Variants in FCSK observed in about 807,000 individuals in gnomAD.
The protein encoded by FCSK is fucose kinase.
FCSK carries 123 observed loss-of-function variants against 122.5 expected under a neutral mutation model. That is an observed-to-expected ratio of 1.00 (90% CI 0.87 to 1.17). The LOEUF is 1.17. Among genes scored for constraint, FCSK ranks in the 50% most tolerant of loss-of-function variants. The pLI, the probability that FCSK is intolerant of heterozygous loss-of-function variation, is 0.00. For synonymous variants in FCSK, 620 were observed against 625.5 expected (o/e 0.99, Z 0.13); for missense variants, 1,366 against 1,450.4 (o/e 0.94, Z 0.95).
At chr16:70,472,453 A>G in intron 13 of FCSK, 88 bp from the exon 14 acceptor site, 1 of 1,014,744 alleles carries the variant, frequency 9.9e-7, no homozygotes, top group South Asian at 1.5e-5. Flanking sequence ...TCATGTGAGC[A>G]CTTGAGCAGC....
At position 70,473,773 on chromosome 16, in the gene FCSK, G is replaced by C. The variant is rs140516568; in HGVS notation, c.1778-356G>C. On this transcript the variant is annotated intron_variant, in intron 15 of 23. Transcript: ENST00000288078. This position sits in a 1 kb window ranked among gnomAD's most constrained non-coding sequence, Gnocchi z 4.9. Reference sequence around the variant, plus strand: ...CCTCCTAGGCTGAACCTCATGGAAGGTCCCAGGGACCGTGGACATGAATGG... The same window carrying C: ...CCTCCTAGGCTGAACCTCATGGAAGCTCCCAGGGACCGTGGACATGAATGG... Among the ~76,000 whole-genome samples the C allele has an allele frequency of 6.6e-6, 1 of 152,190 alleles. No homozygotes were observed.
chr16:70,472,730 GT>G, intron 14 of FCSK, 125 bp downstream of exon 14: 1 of 877,136 alleles, frequency 1.1e-6, no homozygotes, highest in Non-Finnish European at 1.7e-6. Context: ...GGCCTGGGTG[GT>G]TTTGGGCAGC....
intron 7 of FCSK, 112 bp downstream of exon 7, chr16:70,467,583 T>C: frequency 2.3e-6 from 2 of 861,032 alleles, no homozygotes; most frequent in South Asian, 1.6e-5. Flanking sequence ...CGCATGTTCC[T>C]GAATCCAAGG....
At position 70,463,726 on chromosome 16, in the gene FCSK, C is replaced by A; in HGVS notation, c.186C>A (p.Asn62Lys). The change falls in exon 3 of 24, where the codon AAC becomes AAA. Residue 62 changes from asparagine to lysine, a missense_variant. Asn to Lys is a moderately conservative substitution (Grantham distance 94). Coordinates refer to ENST00000288078, the MANE Select transcript of FCSK (RefSeq NM_145059.3). The part of the protein sequence containing the change: ...KRVGSGGATL[N>K]ALLVAAEHLS... ...TGGGCAGCGGAGGAGCCACCCTCAA[C>A]GCCCTGCTGGTGGCTGCTGAACACC... The A allele has an allele frequency of 6.2e-7, 1 of 1,612,632 alleles. No homozygotes were observed. The highest frequency in any genetic ancestry group is 1.3e-5 in the African/African-American group (1 of 74,994).
chr16:70,478,202 C>A, intron 20 of FCSK, 70 bp from the exon 21 acceptor site: 1 of 1,524,378 alleles, frequency 6.6e-7, no homozygotes, highest in Non-Finnish European at 9.0e-7. Flanking sequence ...GGTGCAGGGC[C>A]GGGAGCCTAG....
chr16:70,457,369 C>T (rs572819413), intron 1 of FCSK, among the ~76,000 whole-genome samples: 8 of 152,238 alleles, frequency 5.3e-5, no homozygotes, highest in African/African-American at 1.9e-4. Context: ...ATTCTCCTGC[C>T]TCAGCCTCCT....
In FCSK at chr16:70,478,161, A is replaced by G. The variant is rs983719087; in HGVS notation, c.2642-111A>G. 1.1e-5 allele frequency: 11 copies of G among 1,024,948 alleles called. No homozygotes were observed. In the African/African-American group the frequency reaches 1.8e-4, roughly 17 times the overall value. 63.5% of individuals were successfully genotyped at this position (1,024,948 alleles called of 1,614,324 possible). A position where few individuals can be genotyped will look rare whatever the true frequency, so the allele number is the denominator to read the frequency against. On this transcript the variant is annotated intron_variant, in intron 20 of 23. Transcript: ENST00000288078. The stretch of plus-strand genomic sequence containing the variant: ...GCTCACTGTCCTGTGGAGTTGAGGG[A>G]AGCTATCTTTCCACACTGGTCCCAG...
In FCSK at chr16:70,465,116, A is replaced by C. The variant is rs767445409; in HGVS notation, c.235-10A>C. 6.2e-7 allele frequency: 1 copy of C among 1,613,070 alleles called. No homozygotes were observed. The highest frequency in any genetic ancestry group is 1.3e-5 in the African/African-American group (1 of 74,734). On this transcript the variant is annotated splice_polypyrimidine_tract_variant and intron_variant, in intron 3 of 23. Transcript: ENST00000288078. ...AGGCCTCTGTTCACAGGGCTTTCCC[A>C]CTCCTGCAGGTGGTCACATCCGATG...
At position 70,463,280 on chromosome 16, in the gene FCSK, A is replaced by G. The variant is rs113870721; in HGVS notation, c.82+8A>G. 20 of 1,607,854 alleles carry G rather than the reference A, an allele frequency of 1.2e-5. No individual in the cohort carries two copies. In the African/African-American group the frequency reaches 1.8e-4, roughly 14 times the overall value. ...TCCAGGTCTTTCAGAGAGGTAGGGGACTCCCCTTCCCACCTTGCCCCTAAT... is the reference window on the plus strand; with the variant it reads ...TCCAGGTCTTTCAGAGAGGTAGGGGGCTCCCCTTCCCACCTTGCCCCTAAT... On this transcript the variant is annotated splice_region_variant and intron_variant, in intron 2 of 23. Transcript: ENST00000288078.
chr16:70,471,715 C>T (rs1446982798), intron 13 of FCSK, among the ~76,000 whole-genome samples: 1 of 152,138 alleles, frequency 6.6e-6, no homozygotes, highest in Admixed American at 6.5e-5. Flanking sequence ...TCTCCTGCCT[C>T]AGCCTCACGA....
Position 70,469,180 on chromosome 16 carries a change from G to A in FCSK, c.812G>A (p.Cys271Tyr). The A allele has an allele frequency of 6.2e-7, 1 of 1,614,152 alleles. No homozygotes were observed. The highest frequency in any genetic ancestry group is 8.5e-7 in the Non-Finnish European group (1 of 1,180,022). ...TCTCTGTTTTTTGACATTCTCCACT[G>A]CATGGCTGAGAACGTGACCAGGGAG... ...QLSLFFDILH[C>Y]MAENVTREDF... is the part of the protein sequence containing the mutation. Residue 271 changes from cysteine to tyrosine, a missense_variant, in exon 10 of 24, where the codon TGC (cysteine) becomes TAC (tyrosine). Transcript: ENST00000288078.
At chr16:70,471,870 A>G (rs1218300858) in intron 13 of FCSK, among the ~76,000 whole-genome samples, 3 of 150,148 alleles carry the variant, frequency 2.0e-5, no homozygotes, top group African/African-American at 7.4e-5. Context: ...CAGTGGCGCA[A>G]TCTTGGCTCA....
chr16:70,460,784 A>G (rs557565329), intron 1 of FCSK, among the ~76,000 whole-genome samples: 76 of 152,342 alleles, frequency 5.0e-4, no homozygotes, highest in Non-Finnish European at 8.8e-4. Context: ...AGCTGTGCTC[A>G]GTCACTGGTT....
Position 70,472,595 on chromosome 16 carries a change from A to C in FCSK, c.1396A>C (p.Thr466Pro). Reference protein sequence around the residue: ...NVPWSEFFKRTGVRAWDLWDP... With the variant: ...NVPWSEFFKRPGVRAWDLWDP... ...GCCCTGGAGTGAATTCTTCAAGAGGACAGGTGTTCGGTAAGGTGGACACCC... is the reference window on the plus strand; with the variant it reads ...GCCCTGGAGTGAATTCTTCAAGAGGCCAGGTGTTCGGTAAGGTGGACACCC... Residue 466 changes from threonine to proline, a missense_variant, in exon 14 of 24, where the codon ACA becomes CCA. Transcript: ENST00000288078. 6.2e-7 allele frequency: 1 copy of C among 1,612,814 alleles called. No homozygotes were observed. The highest frequency in any genetic ancestry group is 8.5e-7 in the Non-Finnish European group (1 of 1,179,366).
chr16:70,466,792 A>T, intron 5 of FCSK, 90 bp from the exon 6 acceptor site: 1 of 1,184,624 alleles, frequency 8.4e-7, no homozygotes, highest in Non-Finnish European at 1.2e-6. Context: ...GGCCCTTGTT[A>T]CTTCAACAGC....
At chr16:70,469,416 C>T in intron 10 of FCSK, 93 bp downstream of exon 10, 1 of 1,265,030 alleles carries the variant, frequency 7.9e-7, no homozygotes, top group Non-Finnish European at 1.1e-6. Context: ...GGCCAGGCAG[C>T]CCAGCACAGG....
intron 6 of FCSK, 133 bp downstream of exon 6, chr16:70,467,087 GA>G (rs2048442654): frequency 5.8e-6 from 5 of 857,304 alleles, no homozygotes; most frequent in Non-Finnish European, 9.5e-6. Flanking sequence ...AGGGTGTGGA[GA>G]ATGAAGCCTG....
At chr16:70,467,133 T>G in intron 6 of FCSK, 179 bp downstream of exon 6, 1 of 681,992 alleles carries the variant, frequency 1.5e-6, no homozygotes, top group Non-Finnish European at 2.6e-6. Context: ...TGCCTCAGTC[T>G]GTCTGTCTAT....
In FCSK at chr16:70,462,891, C is replaced by G. The variant is rs528917886; in HGVS notation, c.-22-278C>G. Among the ~76,000 whole-genome samples, 54 of 152,244 alleles carry G rather than the reference C, an allele frequency of 3.5e-4. No individual in the cohort carries two copies. In the South Asian group the frequency reaches 0.011, roughly 31 times the overall value. ...AACTCCTGACCTCAGGTGATCCCCC[C>G]ACCTCAGCCTCCCAAAGTGCTAGGA... On this transcript the variant is annotated intron_variant, in intron 1 of 23. Transcript: ENST00000288078.
Sources: gnomAD v4.1 joint callset for allele counts (sites outside exome capture counted in the v4.1 genomes callset) on GRCh38, gnomAD v4.1.1 for gene constraint, Gnocchi (gnomAD v3.1) non-coding constraint, MANE v1.5 for transcripts, NCBI Gene and HGNC (gene_info 2026-07-23, HGNC 2026-07-21) for gene names.